The following EDC4 variants were observed in gnomAD, a reference collection of about 807,000 sequenced individuals.
The protein encoded by EDC4 is enhancer of mRNA decapping 4.
In EDC4, 64 loss-of-function variants were observed where a neutral mutation model predicts 155.8. The ratio of observed to expected loss-of-function variants is 0.41; its 90% confidence interval spans 0.34 to 0.51. The LOEUF is 0.51. Ranked by LOEUF, EDC4 falls within the 20% of genes least tolerant of loss-of-function variation. The pLI, the probability that EDC4 is intolerant of heterozygous loss-of-function variation, is 0.19. For missense variants in EDC4, 1,303 were observed against 1,812.5 expected (o/e 0.72, Z 5.10); for synonymous variants, 684 against 716.8 (o/e 0.95, Z 0.73).
Position 67,882,351 on chromosome 16 carries a change from G to A in EDC4, c.3276+24G>A. 1 of 1,613,780 alleles carries A rather than the reference G, an allele frequency of 6.2e-7. No individual in the cohort carries two copies. The highest frequency in any genetic ancestry group is 8.5e-7 in the Non-Finnish European group (1 of 1,179,834). ...AGGTGCTATAGGGCCCAAGATGTGG[G>A]TGGAGGTGGTGGTTCCTGGGCCTAG... is the stretch of plus-strand genomic sequence containing the variant. On this transcript the variant is annotated intron_variant, in intron 24 of 28. Coordinates refer to ENST00000358933, the MANE Select transcript of EDC4 (RefSeq NM_014329.5). This position sits in a 1 kb window ranked among gnomAD's most constrained non-coding sequence, Gnocchi z 7.2.
Position 67,878,777 on chromosome 16 carries a change from A to C in EDC4, c.1225A>C (p.Ser409Arg). The C allele has an allele frequency of 6.2e-7, 1 of 1,614,098 alleles. No homozygotes were observed. The highest frequency in any genetic ancestry group is 8.5e-7 in the Non-Finnish European group (1 of 1,180,026). ...DIFSSVSVPP[S>R]LKVCLDLSAE... ...CTTCAGCTCAGTGAGTGTGCCCCCT[A>C]GCCTCAAGGTTTGCTTGGACCTCTC... Residue 409 changes from serine to arginine, a missense_variant, in exon 11 of 29, where the codon AGC (serine) becomes CGC (arginine). This residue lies in a region of EDC4 where 235 missense variants were observed against 367.7 expected (regional missense o/e 0.64). Transcript: ENST00000358933. The surrounding 1 kb of genome is among the most constrained non-coding windows in gnomAD (Gnocchi z 5.2).
rs1163458585 is a variant in EDC4 at position 67,876,422 on chromosome 16, C to T, written c.240-66C>T. On this transcript the variant is annotated intron_variant, in intron 2 of 28. Coordinates refer to ENST00000358933, the MANE Select transcript of EDC4 (RefSeq NM_014329.5). The surrounding 1 kb of genome is among the most constrained non-coding windows in gnomAD (Gnocchi z 5.8). ...CCCAGTCTGGCTATGTCCTCGCTTC[C>T]TCCCAACCCTGCCCGCTGAGCCTTT... 4.4e-6 allele frequency: 7 copies of T among 1,588,412 alleles called. No homozygotes were observed. Among genetic ancestry groups the T allele is most frequent in the Non-Finnish European group, 5.1e-6 (6 of 1,165,682 alleles).
chr16:67,878,942 G>T lies in EDC4; in HGVS notation c.1288-15G>T. ...TTAGCCTCTGAGCTCAGCTAGGAACGTTCTGCCTGTGCAGGTCCTCTATGT... is the reference window on the plus strand; with the variant it reads ...TTAGCCTCTGAGCTCAGCTAGGAACTTTCTGCCTGTGCAGGTCCTCTATGT... On this transcript the variant is annotated splice_polypyrimidine_tract_variant and intron_variant, in intron 11 of 28. Coordinates refer to ENST00000358933, the MANE Select transcript of EDC4 (RefSeq NM_014329.5). This position sits in a 1 kb window ranked among gnomAD's most constrained non-coding sequence, Gnocchi z 5.2. The T allele has an allele frequency of 6.2e-7, 1 of 1,609,868 alleles. No homozygotes were observed. Among genetic ancestry groups the T allele is most frequent in the Non-Finnish European group, 8.5e-7 (1 of 1,178,346 alleles).
Position 67,881,675 on chromosome 16 carries a change from A to G in EDC4, c.2834A>G (p.Glu945Gly), listed in dbSNP as rs770558896. 4 of 1,612,260 alleles carry G rather than the reference A, an allele frequency of 2.5e-6. No individual in the cohort carries two copies. Among genetic ancestry groups the G allele is most frequent in the Non-Finnish European group, 3.4e-6 (4 of 1,178,610 alleles). Residue 945 changes from glutamate (E) to glycine (G), a missense_variant, in exon 22 of 29, where the codon GAG becomes GGG. By Grantham distance (98) the Glu-to-Gly change is moderately conservative (BLOSUM62 -2). Transcript: ENST00000358933. This position sits in a 1 kb window ranked among gnomAD's most constrained non-coding sequence, Gnocchi z 5.4. Reference sequence around the variant, plus strand: ...TGTCAGTGCTACTGACAGGTGGCAGAGCCCCCTGAGGACTGGCCAGCACTA... The same window carrying G: ...TGTCAGTGCTACTGACAGGTGGCAGGGCCCCCTGAGGACTGGCCAGCACTA... ...GSRLTEHQVAEPPEDWPALIW... is the reference protein window; with the variant it reads ...GSRLTEHQVAGPPEDWPALIW...
Position 67,880,673 on chromosome 16 carries a change from T to C in EDC4, c.2214T>C (p.Thr738=). Residue 738 remains threonine (T), a synonymous_variant, in exon 18 of 29, where the codon ACT becomes ACC. Transcript: ENST00000358933. This position sits in a 1 kb window ranked among gnomAD's most constrained non-coding sequence, Gnocchi z 5.2. ...CTGATGTCATCTCCTCAGCTTCCACTGCCCTGTCCCAGGACATCCCTGAGA... is the reference window on the plus strand; with the variant it reads ...CTGATGTCATCTCCTCAGCTTCCACCGCCCTGTCCCAGGACATCCCTGAGA... The part of the protein sequence containing the change: ...RSPDVISSAS[T]ALSQDIPEIA... 6.2e-7 allele frequency: 1 copy of C among 1,614,158 alleles called. No individual in the cohort carries two copies.
rs753678623 is a variant in EDC4, at chr16:67,878,921, CCT to C, written c.1288-33_1288-32del. 86 of 1,610,492 alleles carry C rather than the reference CCT, an allele frequency of 5.3e-5. No homozygotes were observed. The highest frequency in any genetic ancestry group is 7.2e-5 in the Non-Finnish European group (85 of 1,179,330). On this transcript the variant is annotated intron_variant, in intron 11 of 28. Coordinates refer to ENST00000358933, the MANE Select transcript of EDC4 (RefSeq NM_014329.5). This position sits in a 1 kb window ranked among gnomAD's most constrained non-coding sequence, Gnocchi z 5.2. ...GCAGGTGGCGCATCACAGCCCTTAG[CCT>C]CTGAGCTCAGCTAGGAACGTTCTGC... is the stretch of plus-strand genomic sequence containing the variant.
In EDC4 at chr16:67,876,604, G is replaced by A. The variant is rs749240790; in HGVS notation, c.351+5G>A. 3 of 1,613,774 alleles carry A rather than the reference G, an allele frequency of 1.9e-6. No homozygotes were observed. The highest frequency in any genetic ancestry group is 2.5e-6 in the Non-Finnish European group (3 of 1,179,922). On this transcript the variant is annotated splice_donor_5th_base_variant and intron_variant, in intron 3 of 28. Transcript: ENST00000358933. The surrounding 1 kb of genome is among the most constrained non-coding windows in gnomAD (Gnocchi z 5.8). ...AAGGCCCGGGGAAGCAACAAGGTAG[G>A]TACTGGGATGCTGTGGCATATATAA...
In EDC4 at chr16:67,881,973, A is replaced by C; in HGVS notation, c.3024A>C (p.Ala1008=). 6.2e-7 allele frequency: 1 copy of C among 1,608,706 alleles called. No individual in the cohort carries two copies. The highest frequency in any genetic ancestry group is 8.5e-7 in the Non-Finnish European group (1 of 1,177,514). ...HEQEQRRLER[A]LAEGQQRGGQ... ...GCGCAGAGCGGCGGCTGGAGCGAGCACTGGCTGAGGGGCAGCAGCGGGGAG... is the reference window on the plus strand; with the variant it reads ...GCGCAGAGCGGCGGCTGGAGCGAGCCCTGGCTGAGGGGCAGCAGCGGGGAG... The change falls in exon 23 of 29, where the codon GCA becomes GCC. Residue 1008 remains alanine (A), a synonymous_variant. Transcript: ENST00000358933. This position sits in a 1 kb window ranked among gnomAD's most constrained non-coding sequence, Gnocchi z 5.4.
chr16:67,880,884 T>A lies in EDC4; in HGVS notation c.2425T>A (p.Ser809Thr). Residue 809 changes from serine to threonine, a missense_variant, in exon 18 of 29, where the codon TCC becomes ACC. Around this residue, in one of 5 missense-constraint regions of EDC4, gnomAD observed 391 missense variants for 445.4 expected, o/e 0.88. Transcript: ENST00000358933. This position sits in a 1 kb window ranked among gnomAD's most constrained non-coding sequence, Gnocchi z 5.2. ...GGATGGAGATCGGCATAATACCCCCTCCCTCCTGGAGGCAGCCTTGACCCA... is the reference window on the plus strand; with the variant it reads ...GGATGGAGATCGGCATAATACCCCCACCCTCCTGGAGGCAGCCTTGACCCA... ...PGDGDRHNTP[S>T]LLEAALTQEA... 1 of 1,613,470 alleles carries A rather than the reference T, an allele frequency of 6.2e-7. No homozygotes were observed. Among genetic ancestry groups the A allele is most frequent in the Non-Finnish European group, 8.5e-7 (1 of 1,179,896 alleles).
At position 67,878,230 on chromosome 16, in the gene EDC4, A is replaced by G. The variant is rs749464838; in HGVS notation, c.959A>G (p.Tyr320Cys). Residue 320 changes from tyrosine (Y) to cysteine (C), a missense_variant, in exon 8 of 29, where the codon TAT becomes TGT. Tyr to Cys is a radical substitution (Grantham distance 194, BLOSUM62 -2). Coordinates refer to ENST00000358933, the MANE Select transcript of EDC4 (RefSeq NM_014329.5). This position sits in a 1 kb window ranked among gnomAD's most constrained non-coding sequence, Gnocchi z 5.2. ...CTGGCTACTGCGAGCCACGATGGCT[A>G]TGTCAAGTTCTGGCAGATCTACATT... ...TVLATASHDG[Y>C]VKFWQIYIEG... 8 of 1,614,178 alleles carry G rather than the reference A, an allele frequency of 5.0e-6. No individual in the cohort carries two copies. The East Asian group carries it at 1.1e-4, about 22-fold the overall frequency.
Position 67,884,209 on chromosome 16 carries a change from C to CT in EDC4, c.*62dup. 3 of 1,472,090 alleles carry CT rather than the reference C, an allele frequency of 2.0e-6. No individual in the cohort carries two copies. The highest frequency in any genetic ancestry group is 2.7e-6 in the Non-Finnish European group (3 of 1,097,514). 91.2% of individuals were successfully genotyped at this position (1,472,090 alleles called of 1,614,324 possible). A position where few individuals can be genotyped will look rare whatever the true frequency, so the allele number is the denominator to read the frequency against. The stretch of plus-strand genomic sequence containing the variant: ...CTGAAGGCCAGCAGACAGGCCTAGG[C>CT]TGGGGCAGGGTCACGGCTGGCCTTT... On this transcript the variant is annotated 3_prime_UTR_variant, in exon 29 of 29. Transcript: ENST00000358933. The surrounding 1 kb of genome is among the most constrained non-coding windows in gnomAD (Gnocchi z 4.1).
Position 67,880,340 on chromosome 16 carries a change from C to A in EDC4, c.2097+124C>A. On this transcript the variant is annotated intron_variant, in intron 17 of 28. Coordinates refer to ENST00000358933, the MANE Select transcript of EDC4 (RefSeq NM_014329.5). The surrounding 1 kb of genome is among the most constrained non-coding windows in gnomAD (Gnocchi z 5.2). ...CTCTACCCGACATGGTCCGTGTTTC[C>A]CTGAGGTCATTTCACCCTCCTGTGT... 1 of 1,441,112 alleles carries A rather than the reference C, an allele frequency of 6.9e-7. No homozygotes were observed. Among genetic ancestry groups the A allele is most frequent in the East Asian group, 2.3e-5 (1 of 43,124 alleles). 89.3% of individuals were successfully genotyped at this position (1,441,112 alleles called of 1,614,324 possible).
rs369324561 is a variant in EDC4 at position 67,877,684 on chromosome 16, G to A, written c.789+28G>A. On this transcript the variant is annotated intron_variant, in intron 6 of 28. Transcript: ENST00000358933. The surrounding 1 kb of genome is among the most constrained non-coding windows in gnomAD (Gnocchi z 4.9). ...GAGGGGGCTGACATGGCGAAGAGGC[G>A]CCAGAGAAGCCATAGTGTGGGGTTG... The A allele has an allele frequency of 3.7e-6, 6 of 1,613,882 alleles. No homozygotes were observed. The highest frequency in any genetic ancestry group is 2.7e-5 in the African/African-American group (2 of 74,900).
chr16:67,882,653 T>C lies in EDC4; in HGVS notation c.3443-26T>C. Reference sequence around the variant, plus strand: ...GTTATCCTCTTTCCTACTGTTCCTCTTATAGTCCCTGTGGTCACCCCTCAG... The same window carrying C: ...GTTATCCTCTTTCCTACTGTTCCTCCTATAGTCCCTGTGGTCACCCCTCAG... On this transcript the variant is annotated intron_variant, in intron 25 of 28. Coordinates refer to ENST00000358933, the MANE Select transcript of EDC4 (RefSeq NM_014329.5). The surrounding 1 kb of genome is among the most constrained non-coding windows in gnomAD (Gnocchi z 7.2). The C allele has an allele frequency of 6.2e-7, 1 of 1,614,218 alleles. No homozygotes were observed. The highest frequency in any genetic ancestry group is 8.5e-7 in the Non-Finnish European group (1 of 1,180,040).
Position 67,883,379 on chromosome 16 carries a change from C to T in EDC4, c.3850-189C>T. On this transcript the variant is annotated intron_variant, in intron 27 of 28. Coordinates refer to ENST00000358933, the MANE Select transcript of EDC4 (RefSeq NM_014329.5). The surrounding 1 kb of genome is among the most constrained non-coding windows in gnomAD (Gnocchi z 5.3). ...CCACCTAGCCCACCTTGCTTTACAA[C>T]TACCCTTCTCAGGAACCCATTTCCC... 1 of 1,276,772 alleles carries T rather than the reference C, an allele frequency of 7.8e-7. No individual in the cohort carries two copies. The highest frequency in any genetic ancestry group is 1.1e-6 in the Non-Finnish European group (1 of 927,630). 79.1% of individuals were successfully genotyped at this position (1,276,772 alleles called of 1,614,324 possible).
Position 67,878,762 on chromosome 16 carries a change from G to C in EDC4, c.1210G>C (p.Val404Leu), listed in dbSNP as rs1490730249. The C allele has an allele frequency of 1.2e-6, 2 of 1,614,168 alleles. No individual in the cohort carries two copies. The highest frequency in any genetic ancestry group is 1.7e-6 in the Non-Finnish European group (2 of 1,180,032). The change falls in exon 11 of 29, where the codon GTG becomes CTG. Residue 404 changes from valine to leucine, a missense_variant. Physicochemically the swap from Val to Leu is conservative, Grantham distance 32. This residue lies in a region of EDC4 where 235 missense variants were observed against 367.7 expected (regional missense o/e 0.64). Coordinates refer to ENST00000358933, the MANE Select transcript of EDC4 (RefSeq NM_014329.5). The surrounding 1 kb of genome is among the most constrained non-coding windows in gnomAD (Gnocchi z 5.2). ...IRFSPDIFSSVSVPPSLKVCL... is the reference protein window; with the variant it reads ...IRFSPDIFSSLSVPPSLKVCL... Reference sequence around the variant, plus strand: ...CTTCTCCCCAGATATCTTCAGCTCAGTGAGTGTGCCCCCTAGCCTCAAGGT... The same window carrying C: ...CTTCTCCCCAGATATCTTCAGCTCACTGAGTGTGCCCCCTAGCCTCAAGGT...
chr16:67,883,527 C>T lies in EDC4; in HGVS notation c.3850-41C>T. On this transcript the variant is annotated intron_variant, in intron 27 of 28. Coordinates refer to ENST00000358933, the MANE Select transcript of EDC4 (RefSeq NM_014329.5). This position sits in a 1 kb window ranked among gnomAD's most constrained non-coding sequence, Gnocchi z 5.3. The stretch of plus-strand genomic sequence containing the variant: ...AGTTCAGACAAGCAGACATTCCATC[C>T]TGATATTTGCTATAAACACTGCTGC... 6.2e-7 allele frequency: 1 copy of T among 1,605,456 alleles called. No homozygotes were observed. Among genetic ancestry groups the T allele is most frequent in the Non-Finnish European group, 8.5e-7 (1 of 1,177,746 alleles).
Position 67,882,843 on chromosome 16 carries a change from C to G in EDC4, c.3607C>G (p.Gln1203Glu). 3 of 1,614,150 alleles carry G rather than the reference C, an allele frequency of 1.9e-6. No homozygotes were observed. The highest frequency in any genetic ancestry group is 2.5e-6 in the Non-Finnish European group (3 of 1,180,040). ...AGSVRAEVQH[Q>E]LHVAVGSLQE... ...CAGTGTTCGTGCTGAGGTGCAGCACCAGCTGCATGTGGCTGTGGGCAGGTG... is the reference window on the plus strand; with the variant it reads ...CAGTGTTCGTGCTGAGGTGCAGCACGAGCTGCATGTGGCTGTGGGCAGGTG... The change falls in exon 26 of 29, where the codon CAG (glutamine) becomes GAG (glutamate). Residue 1203 changes from glutamine to glutamate, a missense_variant. Transcript: ENST00000358933. This position sits in a 1 kb window ranked among gnomAD's most constrained non-coding sequence, Gnocchi z 7.2.
Position 67,882,306 on chromosome 16 carries a change from C to G in EDC4, c.3255C>G (p.Ile1085Met), listed in dbSNP as rs112590815. ...TGGAGGGCAGCATGAAAGAGAACATCTCCAAGCTGCTCAAGTCCAAGGTGC... is the reference window on the plus strand; with the variant it reads ...TGGAGGGCAGCATGAAAGAGAACATGTCCAAGCTGCTCAAGTCCAAGGTGC... The part of the protein sequence containing the change: ...TAVEGSMKEN[I>M]SKLLKSKNLT... Residue 1085 changes from isoleucine to methionine, a missense_variant, in exon 24 of 29, where the codon ATC becomes ATG. This residue lies in a region of EDC4 where 527 missense variants were observed against 757.0 expected (regional missense o/e 0.70). Coordinates refer to ENST00000358933, the MANE Select transcript of EDC4 (RefSeq NM_014329.5). This position sits in a 1 kb window ranked among gnomAD's most constrained non-coding sequence, Gnocchi z 7.2. 6.2e-7 allele frequency: 1 copy of G among 1,613,136 alleles called. No individual in the cohort carries two copies. The highest frequency in any genetic ancestry group is 1.1e-5 in the South Asian group (1 of 90,980).
Sources: gnomAD v4.1 joint callset for allele counts on GRCh38, gnomAD v4.1.1 for gene constraint, gnomAD v4.1.1 regional missense constraint, Gnocchi (gnomAD v3.1) non-coding constraint, MANE v1.5 for transcripts, NCBI Gene and HGNC (gene_info 2026-07-23, HGNC 2026-07-21) for gene names.